Variants in CHIC1 observed in about 807,000 individuals in gnomAD.
CHIC1 encodes the protein cysteine rich hydrophobic domain 1, also known as cysteine-rich hydrophobic domain-containing protein 1.
A neutral mutation model predicts 18.5 loss-of-function variants in CHIC1; 7 were observed. That is an observed-to-expected ratio of 0.38 (90% CI 0.22 to 0.71). CHIC1 has a LOEUF of 0.71. CHIC1 is among the 30% of genes least tolerant of loss of function. CHIC1 has a pLI of 0.49. For synonymous variants in CHIC1, 77 were observed against 73.5 expected, an observed-to-expected ratio of 1.05 and a Z score of -0.25; for missense variants, 159 against 176.9, an observed-to-expected ratio of 0.90 and a Z score of 0.57.
In CHIC1 at chrX:73,661,962, G is replaced by A. The variant is rs1012276591; in HGVS notation, c.508-17364G>A. 6.4e-5 allele frequency among the ~76,000 whole-genome samples: 7 copies of A among 109,707 alleles called. No homozygotes were observed. In the South Asian group the frequency reaches 1.5e-3, roughly 24 times the overall value. On this transcript the variant is annotated intron_variant, in intron 3 of 5. Coordinates refer to ENST00000373502, the MANE Select transcript of CHIC1 (RefSeq NM_001039840.4). ...TAGATGATGAGTTAGTGGGTTCAGC[G>A]CACCAGCATGGCACATGTATACATA... is the stretch of plus-strand genomic sequence containing the variant.
chrX:73,651,489 C>G (rs2057916172), intron 3 of CHIC1, among the ~76,000 whole-genome samples: 1 of 111,129 alleles, frequency 9.0e-6, no homozygotes, highest in South Asian at 3.8e-4. Flanking sequence ...CCCATTGTCT[C>G]AGCCACAAAA....
intron 3 of CHIC1, among the ~76,000 whole-genome samples, chrX:73,634,165 T>C (rs185318205): frequency 3.1e-4 from 35 of 112,297 alleles, no homozygotes; most frequent in Admixed American, 7.5e-4. Flanking sequence ...TTCTCCAGTC[T>C]TTACTCTTTG....
At chrX:73,581,578 G>C (rs925788330) in intron 2 of CHIC1, among the ~76,000 whole-genome samples, 3 of 110,803 alleles carry the variant, frequency 2.7e-5, no homozygotes, top group Non-Finnish European at 5.7e-5. Flanking sequence ...CTGTTGCTCA[G>C]ATACAGATTT....
chrX:73,621,356 G>A (rs1001200142), intron 3 of CHIC1, among the ~76,000 whole-genome samples: 9 of 111,664 alleles, frequency 8.1e-5, no homozygotes, highest in Admixed American at 7.6e-4. Context: ...CCATTTTTTG[G>A]TGTCCTCTCT....
intron 3 of CHIC1, among the ~76,000 whole-genome samples, chrX:73,677,615 C>G (rs1211012009): frequency 8.9e-6 from 1 of 111,901 alleles, no homozygotes; most frequent in African/African-American, 3.2e-5. Flanking sequence ...GGGAGTGACC[C>G]GATTTTCCAG....
In CHIC1 at chrX:73,604,948, TGTG is replaced by T. The variant is rs929041734; in HGVS notation, c.507+20380_507+20382del. ...GTGGTCAATTTTAGAATAATTGTGATGTGGTGCTGAGAAAAATATATATTCTGT... is the reference window on the plus strand; with the variant it reads ...GTGGTCAATTTTAGAATAATTGTGATGTGCTGAGAAAAATATATATTCTGT... On this transcript the variant is annotated intron_variant, in intron 3 of 5. Transcript: ENST00000373502. Among the ~76,000 whole-genome samples, 27 of 109,167 alleles carry T rather than the reference TGTG, an allele frequency of 2.5e-4. 4 individuals carry two copies. The highest frequency in any genetic ancestry group is 9.6e-4 in the African/African-American group (27 of 28,214). The allele number at this position is 109,167 out of a possible 115,157, so 94.8% of individuals were successfully genotyped here.
intron 3 of CHIC1, among the ~76,000 whole-genome samples, chrX:73,585,902 C>G (rs181549630): frequency 9.0e-6 from 1 of 110,660 alleles, no homozygotes; most frequent in Non-Finnish European, 1.9e-5. Flanking sequence ...ATGCTGTGAT[C>G]TCTCCTATCC....
At chrX:73,663,451 C>T (rs1204959251) in intron 3 of CHIC1, among the ~76,000 whole-genome samples, 1 of 110,277 alleles carries the variant, frequency 9.1e-6, no homozygotes, top group East Asian at 2.9e-4. Context: ...TCTCGTTCCC[C>T]AAAGATTAAC....
chrX:73,578,842 G>A (rs1168307565), intron 2 of CHIC1: 2 of 109,994 alleles, frequency 1.8e-5, no homozygotes, highest in African/African-American at 6.6e-5. Context: ...TAAACCATGT[G>A]ACTATATTAC....
chrX:73,592,653 G>A (rs2057587498), intron 3 of CHIC1, among the ~76,000 whole-genome samples: 1 of 110,279 alleles, frequency 9.1e-6, no homozygotes, highest in African/African-American at 3.3e-5. Context: ...AGGGATATTG[G>A]CCTGAAGTTT....
Position 73,603,378 on chromosome X carries a change from A to T in CHIC1, c.507+18806A>T, listed in dbSNP as rs151102828. On this transcript the variant is annotated intron_variant, in intron 3 of 5. Transcript: ENST00000373502. Reference sequence around the variant, plus strand: ...ATCCTGAGACCTTGCTGAAGTTGCTAATCAGCTTAAGGAGATTTTGGGCTG... The same window carrying T: ...ATCCTGAGACCTTGCTGAAGTTGCTTATCAGCTTAAGGAGATTTTGGGCTG... 1.0e-4 allele frequency among the ~76,000 whole-genome samples: 11 copies of T among 108,550 alleles called. No individual in the cohort carries two copies. The East Asian group carries it at 3.1e-3, about 31-fold the overall frequency. The allele number at this position is 108,550 out of a possible 115,157, so 94.3% of individuals were successfully genotyped here. A position where few individuals can be genotyped will look rare whatever the true frequency, so the allele number is the denominator to read the frequency against.
intron 3 of CHIC1, among the ~76,000 whole-genome samples, chrX:73,660,127 G>A (rs2057972486): frequency 8.9e-6 from 1 of 112,326 alleles, no homozygotes; most frequent in African/African-American, 3.2e-5. Flanking sequence ...AGTAGCATTG[G>A]TGGCATTGCC....
Position 73,588,890 on chromosome X carries a change from A to T in CHIC1, c.507+4318A>T, listed in dbSNP as rs185574122. Among the ~76,000 whole-genome samples, 20 of 110,417 alleles carry T rather than the reference A, an allele frequency of 1.8e-4. 1 individual carries two copies. Among genetic ancestry groups the T allele is most frequent in the Admixed American group, 1.6e-3 (17 of 10,369 alleles). ...TTTTCTAAATTACTGTAAGAGTGATATGTAATGTCCCTATTTTCATTTCTG... is the reference window on the plus strand; with the variant it reads ...TTTTCTAAATTACTGTAAGAGTGATTTGTAATGTCCCTATTTTCATTTCTG... On this transcript the variant is annotated intron_variant, in intron 3 of 5. Transcript: ENST00000373502.
intron 3 of CHIC1, among the ~76,000 whole-genome samples, chrX:73,646,602 G>A (rs952588680): frequency 4.5e-5 from 5 of 111,847 alleles, no homozygotes; most frequent in African/African-American, 1.6e-4. Flanking sequence ...ATTGTAAATG[G>A]AATTGCTTTC....
At chrX:73,632,670 A>G (rs1289401495) in intron 3 of CHIC1, among the ~76,000 whole-genome samples, 1 of 106,874 alleles carries the variant, frequency 9.4e-6, no homozygotes, top group Admixed American at 1.0e-4. Flanking sequence ...TTATGTATCC[A>G]TTGACAAATT....
intron 2 of CHIC1, among the ~76,000 whole-genome samples, chrX:73,580,952 A>G (rs2057523790): frequency 9.0e-6 from 1 of 111,419 alleles, no homozygotes; most frequent in Non-Finnish European, 1.9e-5. Flanking sequence ...GACCTTTTAT[A>G]TTAAGTGCAG....
chrX:73,676,735 C>G (rs1603351162), intron 3 of CHIC1, among the ~76,000 whole-genome samples: 1 of 112,118 alleles, frequency 8.9e-6, no homozygotes, highest in Admixed American at 9.4e-5. Flanking sequence ...CTCAACTTGT[C>G]AAAGTCATTC....
rs1405554377 is a variant in CHIC1 at position 73,601,734 on chromosome X, G to T, written c.507+17162G>T. ...TCAGAGCAGAACTGAAGGAAATAGA[G>T]ACACAAAAAACCCTTCAAAAAATTA... On this transcript the variant is annotated intron_variant, in intron 3 of 5. Coordinates refer to ENST00000373502, the MANE Select transcript of CHIC1 (RefSeq NM_001039840.4). Among the ~76,000 whole-genome samples the T allele has an allele frequency of 1.9e-5, 2 of 104,909 alleles. 1 individual carries two copies. The highest frequency in any genetic ancestry group is 7.5e-5 in the African/African-American group (2 of 26,743). The allele number at this position is 104,909 out of a possible 115,157, so 91.1% of individuals were successfully genotyped here. A position where few individuals can be genotyped will look rare whatever the true frequency, so the allele number is the denominator to read the frequency against.
chrX:73,683,748 A>G lies in CHIC1; in HGVS notation c.*2743A>G. On this transcript the variant is annotated 3_prime_UTR_variant, in exon 6 of 6. Transcript: ENST00000373502. The stretch of plus-strand genomic sequence containing the variant: ...AATTGTTTTTTAAAATTAATGTTCC[A>G]ATGTTTCTCATTTGGCCCAAGATTC... 2 of 112,098 alleles carry G rather than the reference A, an allele frequency of 1.8e-5. 1 individual carries two copies. The allele number at this position is 112,098 out of a possible 1,213,427, so 9.2% of individuals were successfully genotyped here. A position where few individuals can be genotyped will look rare whatever the true frequency, so the allele number is the denominator to read the frequency against.
Sources: allele counts gnomAD v4.1 joint callset (sites outside exome capture counted in the v4.1 genomes callset), GRCh38; gene constraint gnomAD v4.1.1; transcripts MANE v1.5; gene names NCBI Gene and HGNC (gene_info 2026-07-23, HGNC 2026-07-21).